The following RALYL variants were observed in gnomAD, a reference collection of about 807,000 sequenced individuals.
RALYL encodes the protein RNA-binding Raly-like protein.
In RALYL, 29 loss-of-function variants were observed where a neutral mutation model predicts 35.1. The observed-to-expected ratio is 0.83, with a 90% CI of 0.61 to 1.13. RALYL has a LOEUF of 1.13. RALYL is among the 50% of genes most tolerant of loss of function. The probability of loss-of-function intolerance (pLI) is 0.00; values close to 1 mark genes in which losing one functional copy is unlikely to be tolerated. For synonymous variants in RALYL, 120 were observed against 127.6 expected (o/e 0.94, Z 0.40); for missense variants, 359 against 360.4 (o/e 1.00, Z 0.03).
At chr8:84,551,186 G>T (rs535647213) in intron 2 of RALYL, among the ~76,000 whole-genome samples, 20 of 151,690 alleles carry the variant, frequency 1.3e-4, no homozygotes, top group Non-Finnish European at 2.1e-4. Flanking sequence ...CTAGATAAAG[G>T]CTAGAGAAGA....
chr8:84,414,635 G>T (rs899462503), intron 1 of RALYL, among the ~76,000 whole-genome samples: 1 of 152,048 alleles, frequency 6.6e-6, no homozygotes, highest in African/African-American at 2.4e-5. Flanking sequence ...TAAAAATTTA[G>T]TTTTTCAAAA....
Position 84,418,451 on chromosome 8 carries a change from T to C in RALYL, c.-23-110848T>C, listed in dbSNP as rs542217566. 1.3e-4 allele frequency among the ~76,000 whole-genome samples: 20 copies of C among 152,306 alleles called. No homozygotes were observed. The South Asian group carries it at 4.1e-3, about 32-fold the overall frequency. On this transcript the variant is annotated intron_variant, in intron 1 of 8. Coordinates refer to ENST00000521268, the MANE Select transcript of RALYL (RefSeq NM_173848.7). Reference sequence around the variant, plus strand: ...AGCATGATGTCTAGAACCGCCATTATTTGATTAGAATTAGTTTAGCAGGAG... The same window carrying C: ...AGCATGATGTCTAGAACCGCCATTACTTGATTAGAATTAGTTTAGCAGGAG...
At chr8:84,352,204 A>G (rs191133052) in intron 1 of RALYL, among the ~76,000 whole-genome samples, 1 of 150,250 alleles carries the variant, frequency 6.7e-6, no homozygotes, top group Non-Finnish European at 1.5e-5. Flanking sequence ...AGTAATATAA[A>G]TCCATTGCTA....
intron 1 of RALYL, among the ~76,000 whole-genome samples, chr8:84,475,892 A>T (rs2053346824): frequency 6.6e-6 from 1 of 152,206 alleles, no homozygotes; most frequent in South Asian, 2.1e-4. Flanking sequence ...CATCAAAGGA[A>T]TTACAATCCA....
intron 2 of RALYL, among the ~76,000 whole-genome samples, chr8:84,616,766 G>T (rs1177383202): frequency 6.6e-6 from 1 of 151,610 alleles, no homozygotes; most frequent in Non-Finnish European, 1.5e-5. Context: ...ATTGATTTTT[G>T]TATAAGGTGT....
At chr8:84,494,511 G>C (rs999321100) in intron 1 of RALYL, among the ~76,000 whole-genome samples, 1 of 152,018 alleles carries the variant, frequency 6.6e-6, no homozygotes, top group African/African-American at 2.4e-5. Context: ...CCATTTTCAT[G>C]ATATTGATTC....
At chr8:84,329,354 T>G (rs1006517389) in intron 1 of RALYL, among the ~76,000 whole-genome samples, 1 of 152,116 alleles carries the variant, frequency 6.6e-6, no homozygotes, top group African/African-American at 2.4e-5. Flanking sequence ...CTCTGATGAT[T>G]AGTGATGTAG....
At chr8:84,892,639 C>G (rs1844068213) in intron 8 of RALYL, among the ~76,000 whole-genome samples, 1 of 147,432 alleles carries the variant, frequency 6.8e-6, no homozygotes, top group South Asian at 2.1e-4. Context: ...CAACATGGCA[C>G]ATGTATACAT....
At chr8:84,362,792 C>T (rs1853346363) in intron 1 of RALYL, among the ~76,000 whole-genome samples, 1 of 152,086 alleles carries the variant, frequency 6.6e-6, no homozygotes, top group Non-Finnish European at 1.5e-5. Flanking sequence ...GGAACAGCAC[C>T]TTGGCTAGTC....
At chr8:84,692,613 T>C (rs771881559) in intron 2 of RALYL, among the ~76,000 whole-genome samples, 40 of 152,054 alleles carry the variant, frequency 2.6e-4, no homozygotes, top group Non-Finnish European at 5.3e-4. Flanking sequence ...TTTAGTGAAA[T>C]ATCTATTTCA....
intron 3 of RALYL, among the ~76,000 whole-genome samples, chr8:84,783,846 G>GT (rs1818758413): frequency 6.6e-6 from 1 of 152,144 alleles, no homozygotes; most frequent in Non-Finnish European, 1.5e-5. Flanking sequence ...TAAGCCACCT[G>GT]TTTTTAATTT....
chr8:84,340,316 C>G (rs181907526), intron 1 of RALYL, among the ~76,000 whole-genome samples: 1 of 152,070 alleles, frequency 6.6e-6, no homozygotes, highest in Non-Finnish European at 1.5e-5. Flanking sequence ...GATCTACTCA[C>G]TTGATTTTTA....
chr8:84,634,901 C>A (rs1824710417), intron 2 of RALYL, among the ~76,000 whole-genome samples: 1 of 151,706 alleles, frequency 6.6e-6, no homozygotes, highest in Non-Finnish European at 1.5e-5. Flanking sequence ...GATTCCACGG[C>A]ATTTATTGAG....
At chr8:84,257,835 GAT>G (rs1182926495) in intron 1 of RALYL, among the ~76,000 whole-genome samples, 7 of 152,228 alleles carry the variant, frequency 4.6e-5, no homozygotes, top group Non-Finnish European at 8.8e-5. Flanking sequence ...TCAGTTTGTG[GAT>G]ATTTAAAACT....
chr8:84,656,473 T>C (rs901203792), intron 2 of RALYL, among the ~76,000 whole-genome samples: 3 of 152,190 alleles, frequency 2.0e-5, no homozygotes, highest in African/African-American at 7.2e-5. Context: ...TTAGGCATAC[T>C]CAGTCCTCAT....
chr8:84,242,212 A>G (rs2131579510), intron 1 of RALYL, among the ~76,000 whole-genome samples: 1 of 152,314 alleles, frequency 6.6e-6, no homozygotes. Context: ...ATAGTATTCC[A>G]TAGTGCATAT....
intron 2 of RALYL, among the ~76,000 whole-genome samples, chr8:84,624,799 T>C (rs1398055604): frequency 1.3e-5 from 2 of 152,228 alleles, no homozygotes; most frequent in Non-Finnish European, 2.9e-5. Context: ...TGAAACAAAA[T>C]AGAGTCATTC....
chr8:84,663,420 T>C (rs1831299152), intron 2 of RALYL, among the ~76,000 whole-genome samples: 1 of 152,136 alleles, frequency 6.6e-6, no homozygotes, highest in African/African-American at 2.4e-5. Flanking sequence ...TCCACAATGG[T>C]TGAACTAATT....
At chr8:84,469,667 C>T (rs879874295) in intron 1 of RALYL, among the ~76,000 whole-genome samples, 1 of 152,156 alleles carries the variant, frequency 6.6e-6, no homozygotes, top group South Asian at 2.1e-4. Flanking sequence ...TGGGCTCCAC[C>T]CAGTTCGAGC....
Sources: allele counts gnomAD v4.1 joint callset (sites outside exome capture counted in the v4.1 genomes callset), GRCh38; gene constraint gnomAD v4.1.1; transcripts MANE v1.5; gene names NCBI Gene and HGNC (gene_info 2026-07-23, HGNC 2026-07-21).